Variants in NT5DC1 observed in about 807,000 individuals in gnomAD.
The protein encoded by NT5DC1 is 5'-nucleotidase domain-containing protein 1.
Under a neutral mutation model 59.4 loss-of-function variants are expected in NT5DC1, and 42 were observed. The ratio of observed to expected loss-of-function variants is 0.71; its 90% CI spans 0.55 to 0.92. NT5DC1 has a LOEUF of 0.92. Among genes scored for constraint, NT5DC1 ranks in the 40% least tolerant of loss-of-function variants. The probability of loss-of-function intolerance (pLI) is 0.00; values close to 1 mark genes in which losing one functional copy is unlikely to be tolerated. For missense variants in NT5DC1, 501 were observed against 537.1 expected, an observed-to-expected ratio of 0.93 and a Z score of 0.66; for synonymous variants, 172 against 188.1, an observed-to-expected ratio of 0.91 and a Z score of 0.70.
At chr6:116,119,913 C>A (rs914821133) in intron 6 of NT5DC1, 4 of 711,726 alleles carry the variant, frequency 5.6e-6, no homozygotes, top group Non-Finnish European at 9.6e-6. Flanking sequence ...TTGCTGCTCA[C>A]TTTTCAGGGG....
At chr6:116,219,433 C>G (rs1354459137) in intron 6 of NT5DC1, among the ~76,000 whole-genome samples, 1 of 152,030 alleles carries the variant, frequency 6.6e-6, no homozygotes, top group Non-Finnish European at 1.5e-5. Flanking sequence ...TGCCTGGGTC[C>G]CCAGCACTTC....
intron 3 of NT5DC1, among the ~76,000 whole-genome samples, chr6:116,109,359 T>TTA (rs1375345173): frequency 6.6e-6 from 1 of 152,220 alleles, no homozygotes; most frequent in Non-Finnish European, 1.5e-5. Context: ...GTTTCCATGT[T>TTA]TATTTCTCAG....
At position 116,245,481 on chromosome 6, in the gene NT5DC1, ATCACTGAAATTTTTCCC is replaced by A. The variant is rs1771830273; in HGVS notation, c.*1462_*1478del. On this transcript the variant is annotated 3_prime_UTR_variant, in exon 12 of 12. Transcript: ENST00000319550. ...AGTAACAAAAAAACAAACAAAAAAAATCACTGAAATTTTTCCCTCACAGTCAGTAGCTTTGTTTGATA... is the reference window on the plus strand; with the variant it reads ...AGTAACAAAAAAACAAACAAAAAAAATCACAGTCAGTAGCTTTGTTTGATA... 1 of 152,552 alleles carries A rather than the reference ATCACTGAAATTTTTCCC, an allele frequency of 6.6e-6. No individual in the cohort carries two copies. Among genetic ancestry groups the A allele is most frequent in the South Asian group, 2.1e-4 (1 of 4,822 alleles). 9.4% of individuals were successfully genotyped at this position (152,552 alleles called of 1,614,324 possible). A position where few individuals can be genotyped will look rare whatever the true frequency, so the allele number is the denominator to read the frequency against.
chr6:116,223,013 G>A, intron 7 of NT5DC1, 21 bp from the exon 8 acceptor site: 2 of 1,302,556 alleles, frequency 1.5e-6, no homozygotes, highest in Non-Finnish European at 2.2e-6. Flanking sequence ...ATAAACTTAT[G>A]AAAAATTGTG....
chr6:116,101,511 G>T (rs1054763771), intron 1 of NT5DC1, among the ~76,000 whole-genome samples: 4 of 152,198 alleles, frequency 2.6e-5, no homozygotes, highest in African/African-American at 9.7e-5. Flanking sequence ...ACTGCAATCT[G>T]GGAGAGATGC....
At chr6:116,201,773 C>A (rs909020486) in intron 6 of NT5DC1, among the ~76,000 whole-genome samples, 1 of 151,992 alleles carries the variant, frequency 6.6e-6, no homozygotes, top group African/African-American at 2.4e-5. Flanking sequence ...TGATTCTGGG[C>A]AGAGTATTTC....
Position 116,246,300 on chromosome 6 carries a change from C to T in NT5DC1, c.*2276C>T, listed in dbSNP as rs1771847356. 1 of 152,060 alleles carries T rather than the reference C, an allele frequency of 6.6e-6. No homozygotes were observed. Among genetic ancestry groups the T allele is most frequent in the Non-Finnish European group, 1.5e-5 (1 of 67,968 alleles). The allele number at this position is 152,060 out of a possible 1,614,324, so 9.4% of individuals were successfully genotyped here. Reference sequence around the variant, plus strand: ...CAGCAGAGGAAAGATCTGAATGACTCAGTGACCAAATGTTTTGTCAGAATC... The same window carrying T: ...CAGCAGAGGAAAGATCTGAATGACTTAGTGACCAAATGTTTTGTCAGAATC... On this transcript the variant is annotated 3_prime_UTR_variant, in exon 12 of 12. Transcript: ENST00000319550.
At chr6:116,218,000 C>T (rs867805651) in intron 6 of NT5DC1, among the ~76,000 whole-genome samples, 1 of 152,104 alleles carries the variant, frequency 6.6e-6, no homozygotes, top group Non-Finnish European at 1.5e-5. Flanking sequence ...GTAGTAAGAG[C>T]AACTCATAAT....
In NT5DC1 at chr6:116,121,497, G is replaced by A. The variant is rs907207713; in HGVS notation, c.529+3552G>A. The A allele has an allele frequency of 3.1e-6, 5 of 1,613,970 alleles. No homozygotes were observed. In the Admixed American group the frequency reaches 6.7e-5, roughly 22 times the overall value. On this transcript the variant is annotated intron_variant, in intron 6 of 11. Coordinates refer to ENST00000319550, the MANE Select transcript of NT5DC1 (RefSeq NM_152729.3). Reference sequence around the variant, plus strand: ...CCAGATGGTCCTGTGGGACCCTGAGGGCCTGGAAGACCCCTCTCACCTGGA... The same window carrying A: ...CCAGATGGTCCTGTGGGACCCTGAGAGCCTGGAAGACCCCTCTCACCTGGA...
intron 8 of NT5DC1, among the ~76,000 whole-genome samples, chr6:116,229,431 C>G (rs1017808319): frequency 6.6e-6 from 1 of 152,164 alleles, no homozygotes; most frequent in African/African-American, 2.4e-5. Flanking sequence ...CTTAGCGAGT[C>G]GCACAGGTTT....
At chr6:116,196,118 A>T (rs1469572382) in intron 6 of NT5DC1, among the ~76,000 whole-genome samples, 1 of 152,020 alleles carries the variant, frequency 6.6e-6, no homozygotes, top group Non-Finnish European at 1.5e-5. Context: ...TGCTATCCAC[A>T]AGAGTGAGAT....
At chr6:116,121,998 G>A in intron 6 of NT5DC1, 1 of 1,563,388 alleles carries the variant, frequency 6.4e-7, no homozygotes, top group Non-Finnish European at 8.8e-7. Flanking sequence ...CCATAGAAGG[G>A]GATGGTTAGT....
At chr6:116,174,855 T>G (rs1252459357) in intron 6 of NT5DC1, among the ~76,000 whole-genome samples, 1 of 152,188 alleles carries the variant, frequency 6.6e-6, no homozygotes, top group Non-Finnish European at 1.5e-5. Context: ...AATAGTTCCC[T>G]ACAAACACTA....
At chr6:116,126,640 T>A (rs1779321049) in intron 6 of NT5DC1, among the ~76,000 whole-genome samples, 1 of 152,302 alleles carries the variant, frequency 6.6e-6, no homozygotes, top group South Asian at 2.1e-4. Flanking sequence ...TTAATTACTT[T>A]TAGGCTTTTA....
intron 8 of NT5DC1, among the ~76,000 whole-genome samples, chr6:116,230,041 T>C (rs1250358123): frequency 6.6e-6 from 1 of 152,206 alleles, no homozygotes; most frequent in African/African-American, 2.4e-5. Context: ...ATTCTCCAGC[T>C]AATAACCTCC....
chr6:116,100,956 C>T lies in NT5DC1; in HGVS notation c.26C>T (p.Ala9Val). The T allele has an allele frequency of 1.2e-6, 2 of 1,604,874 alleles. No individual in the cohort carries two copies. The highest frequency in any genetic ancestry group is 1.7e-6 in the Non-Finnish European group (2 of 1,176,838). The part of the protein sequence containing the change: MAQHFSLA[A>V]CDVVGFDLDH... ...ATGGCTCAGCACTTCTCCCTGGCCG[C>T]CTGCGACGTGGTCGGATTCGACCTG... The change falls in exon 1 of 12, where the codon GCC becomes GTC. Residue 9 changes from alanine (A) to valine (V), a missense_variant. By Grantham distance (64) the Ala-to-Val change is moderately conservative. Coordinates refer to ENST00000319550, the MANE Select transcript of NT5DC1 (RefSeq NM_152729.3).
At position 116,248,083 on chromosome 6, in the gene NT5DC1, A is replaced by G. The variant is rs927540704; in HGVS notation, c.*4059A>G. The G allele has an allele frequency of 1.8e-4, 27 of 152,182 alleles. No homozygotes were observed. Among genetic ancestry groups the G allele is most frequent in the Admixed American group, 1.8e-3 (27 of 15,280 alleles). The allele number at this position is 152,182 out of a possible 1,614,324, so 9.4% of individuals were successfully genotyped here. ...TATTCATGAATAAGCATAACCTTCAACTGAGGCCTGAATAGTCATGTGTCA... is the reference window on the plus strand; with the variant it reads ...TATTCATGAATAAGCATAACCTTCAGCTGAGGCCTGAATAGTCATGTGTCA... On this transcript the variant is annotated 3_prime_UTR_variant, in exon 12 of 12. Coordinates refer to ENST00000319550, the MANE Select transcript of NT5DC1 (RefSeq NM_152729.3).
intron 6 of NT5DC1, among the ~76,000 whole-genome samples, chr6:116,131,040 T>G (rs11965969): frequency 0.5 from 75,844 of 151,978 alleles, 19,593 homozygotes; most frequent in African/African-American, 0.63. Context: ...TCAATTTTTA[T>G]GAATGCTCTT....
chr6:116,182,249 G>GTT (rs1377064687), intron 6 of NT5DC1, among the ~76,000 whole-genome samples: 2 of 150,898 alleles, frequency 1.3e-5, no homozygotes, highest in African/African-American at 4.9e-5. Context: ...GTGTGTGTGT[G>GTT]TGTGTATCAC....
Sources: gnomAD v4.1 joint callset for allele counts (sites outside exome capture counted in the v4.1 genomes callset) on GRCh38, gnomAD v4.1.1 for gene constraint, MANE v1.5 for transcripts, NCBI Gene and HGNC (gene_info 2026-07-23, HGNC 2026-07-21) for gene names.